SGMS2: variants seen among roughly 807,000 people sequenced by gnomAD.
The protein encoded by SGMS2 is phosphatidylcholine:ceramide cholinephosphotransferase 2.
SGMS2 carries 21 observed loss-of-function variants against 43.8 expected under a neutral mutation model. The observed-to-expected ratio is 0.48, with a 90% CI of 0.34 to 0.69. SGMS2 has a LOEUF of 0.69. Ranked by LOEUF, SGMS2 falls within the 30% of genes least tolerant of loss-of-function variation. The probability of loss-of-function intolerance (pLI) is 0.01; values close to 1 mark genes in which losing one functional copy is unlikely to be tolerated. For missense variants in SGMS2, 384 were observed against 443.2 expected (o/e 0.87, Z 1.20); for synonymous variants, 167 against 160.6 (o/e 1.04, Z -0.30).
chr4:107,841,965 T>C (rs1034391097), intron 1 of SGMS2, among the ~76,000 whole-genome samples: 1 of 152,284 alleles, frequency 6.6e-6, no homozygotes, highest in Admixed American at 6.5e-5. Context: ...AAAAAAATTT[T>C]TTTTTAATAT....
At chr4:107,878,332 G>A (rs1036145806) in intron 2 of SGMS2, among the ~76,000 whole-genome samples, 14 of 152,152 alleles carry the variant, frequency 9.2e-5, no homozygotes, top group Non-Finnish European at 1.6e-4. Flanking sequence ...AATGGAGCTG[G>A]GGAAAAGGGG....
rs546245358 is a variant in SGMS2, at chr4:107,862,838, T to C, written c.-245+4285T>C. ...CAAACAAGTTGCTAGGCAACAGGAG[T>C]GATTCAGATGTTCTGAACACCTCAC... On this transcript the variant is annotated intron_variant, in intron 2 of 6. Coordinates refer to ENST00000690982, the MANE Select transcript of SGMS2 (RefSeq NM_001375905.1). Among the ~76,000 whole-genome samples the C allele has an allele frequency of 2.2e-4, 33 of 152,194 alleles. 1 individual carries two copies. The highest frequency in any genetic ancestry group is 7.5e-4 in the African/African-American group (31 of 41,528).
In SGMS2 at chr4:107,845,489, C is replaced by T. The variant is rs1726758098; in HGVS notation, c.-326-12983C>T. Among the ~76,000 whole-genome samples the T allele has an allele frequency of 3.3e-5, 5 of 152,214 alleles. 2 individuals are homozygous for T. The highest frequency in any genetic ancestry group is 2.6e-4 in the Admixed American group (4 of 15,278). ...TCAGCTGGTCCTCAAGGGTGCTTCA[C>T]TATTGTGAGCCTAATGGGACTCACA... On this transcript the variant is annotated intron_variant, in intron 1 of 6. Transcript: ENST00000690982.
chr4:107,845,408 G>C (rs750914384), intron 1 of SGMS2, among the ~76,000 whole-genome samples: 1 of 152,188 alleles, frequency 6.6e-6, no homozygotes, highest in South Asian at 2.1e-4. Context: ...ATTGTGAGGT[G>C]TGCTCTGCAC....
chr4:107,826,596 T>C (rs1560623895), intron 1 of SGMS2, among the ~76,000 whole-genome samples: 1 of 152,198 alleles, frequency 6.6e-6, no homozygotes, highest in Non-Finnish European at 1.5e-5. Flanking sequence ...AATTTCCTCT[T>C]TATGGCCCTT....
chr4:107,892,038 G>C (rs1730261594), intron 2 of SGMS2, among the ~76,000 whole-genome samples: 1 of 151,456 alleles, frequency 6.6e-6, no homozygotes, highest in Admixed American at 6.6e-5. Flanking sequence ...TGTTAGAAGG[G>C]AAGCCTTGCC....
intron 1 of SGMS2, among the ~76,000 whole-genome samples, chr4:107,843,735 GTCT>G (rs949845538): frequency 9.9e-5 from 15 of 152,210 alleles, no homozygotes; most frequent in Non-Finnish European, 1.5e-5. Context: ...AGGCTTGGAT[GTCT>G]TCTTCTCTGT....
intron 2 of SGMS2, among the ~76,000 whole-genome samples, chr4:107,880,986 G>A (rs527483777): frequency 2.3e-4 from 35 of 152,098 alleles, no homozygotes; most frequent in Non-Finnish European, 4.3e-4. Context: ...ATATACCCAC[G>A]TGTATTACAG....
In SGMS2 at chr4:107,860,525, G is replaced by GT. The variant is rs1361818849; in HGVS notation, c.-245+1986dup. Reference sequence around the variant, plus strand: ...TAAATTGCATCTCTGAGAGGAAGGTGTTTTTTTTTTTTTTGAGACGGAGCC... The same window carrying GT: ...TAAATTGCATCTCTGAGAGGAAGGTGTTTTTTTTTTTTTTTGAGACGGAGCC... On this transcript the variant is annotated intron_variant, in intron 2 of 6. Coordinates refer to ENST00000690982, the MANE Select transcript of SGMS2 (RefSeq NM_001375905.1). 8.8e-3 allele frequency among the ~76,000 whole-genome samples: 1,242 copies of GT among 141,850 alleles called. 11 individuals are homozygous for GT. The highest frequency in any genetic ancestry group is 0.021 in the African/African-American group (823 of 39,078). The allele number at this position is 141,850 out of a possible 152,430, so 93.1% of individuals were successfully genotyped here. A position where few individuals can be genotyped will look rare whatever the true frequency, so the allele number is the denominator to read the frequency against.
chr4:107,906,858 T>C (rs1731619763), intron 5 of SGMS2, among the ~76,000 whole-genome samples: 1 of 152,218 alleles, frequency 6.6e-6, no homozygotes, highest in South Asian at 2.1e-4. Flanking sequence ...AAAATAGTTC[T>C]AGTTTGCCTA....
At chr4:107,872,667 C>G (rs911665424) in intron 2 of SGMS2, among the ~76,000 whole-genome samples, 1 of 74,032 alleles carries the variant, frequency 1.4e-5, no homozygotes, top group African/African-American at 7.9e-5. Flanking sequence ...GAGACCCCTT[C>G]TCTTAAAAAA....
chr4:107,889,246 T>G (rs1418415980), intron 2 of SGMS2, among the ~76,000 whole-genome samples: 1 of 152,216 alleles, frequency 6.6e-6, no homozygotes, highest in Non-Finnish European at 1.5e-5. Flanking sequence ...TATTAAAGGT[T>G]ACACAAGGAA....
chr4:107,862,167 A>G (rs1202961353), intron 2 of SGMS2, among the ~76,000 whole-genome samples: 2 of 152,236 alleles, frequency 1.3e-5, no homozygotes, highest in East Asian at 3.8e-4. Context: ...GAGACCTAAA[A>G]TAATAGAGGA....
chr4:107,899,745 C>T, intron 4 of SGMS2, 53 bp downstream of exon 4: 5 of 1,220,842 alleles, frequency 4.1e-6, no homozygotes, highest in Non-Finnish European at 6.0e-6. Flanking sequence ...AGTTATTGAT[C>T]ACTTACCCTG....
chr4:107,830,689 C>T (rs1251343355), intron 1 of SGMS2, among the ~76,000 whole-genome samples: 1 of 152,004 alleles, frequency 6.6e-6, no homozygotes, highest in Non-Finnish European at 1.5e-5. Context: ...TTTGAGAAGT[C>T]AGTTTGTGGG....
chr4:107,843,790 A>G (rs2126002571), intron 1 of SGMS2, among the ~76,000 whole-genome samples: 1 of 152,300 alleles, frequency 6.6e-6, no homozygotes, highest in East Asian at 1.9e-4. Flanking sequence ...TGAATTCTAG[A>G]TGTAATTCAC....
chr4:107,899,573 A>G lies in SGMS2; in HGVS notation c.456-2A>G, dbSNP rs766802252. The G allele has an allele frequency of 3.1e-6, 5 of 1,595,010 alleles. No individual in the cohort carries two copies. Among genetic ancestry groups the G allele is most frequent in the South Asian group, 1.1e-5 (1 of 87,304 alleles). ...TTTCCCCATCCCTATTTTTTCTTTT[A>G]GGTCAATAGTGGGACGCAGATTCTG... On this transcript the variant is annotated splice_acceptor_variant, in intron 3 of 6. Transcript: ENST00000690982. LOFTEE classifies it high-confidence loss of function.
chr4:107,849,973 T>A (rs534018972), intron 1 of SGMS2, among the ~76,000 whole-genome samples: 1 of 152,312 alleles, frequency 6.6e-6, no homozygotes, highest in South Asian at 2.1e-4. Flanking sequence ...TGAATTATAA[T>A]CCCCAGTATT....
chr4:107,832,347 G>A (rs1000177118), intron 1 of SGMS2, among the ~76,000 whole-genome samples: 2 of 152,294 alleles, frequency 1.3e-5, no homozygotes, highest in African/African-American at 4.8e-5. Flanking sequence ...GCAAGCAGGA[G>A]CATTTAAAAG....
Sources: allele counts gnomAD v4.1 joint callset (sites outside exome capture counted in the v4.1 genomes callset), GRCh38; gene constraint gnomAD v4.1.1; transcripts MANE v1.5; gene names NCBI Gene and HGNC (gene_info 2026-07-23, HGNC 2026-07-21).